Variants in DLG2 observed in about 807,000 individuals in gnomAD.
The protein encoded by DLG2 is discs large MAGUK scaffold protein 2.
A neutral mutation model predicts 132.5 loss-of-function variants in DLG2; 45 were observed. That is an observed-to-expected ratio of 0.34 (90% CI 0.27 to 0.44). The LOEUF is 0.44. Among genes scored for constraint, DLG2 ranks in the 20% least tolerant of loss-of-function variants. The pLI is 1.00. For missense variants in DLG2, 1,045 were observed against 1,196.9 expected (o/e 0.87, Z 1.87); for synonymous variants, 424 against 419.6 (o/e 1.01, Z -0.13).
chr11:84,099,140 G>T, intron 9 of DLG2, 93 bp from the exon 10 acceptor site: 1 of 1,167,324 alleles, frequency 8.6e-7, no homozygotes. Context: ...CTACTCAAAT[G>T]GAAATCAGGT....
chr11:84,972,417 G>A (rs1260657025), intron 6 of DLG2, among the ~76,000 whole-genome samples: 2 of 152,188 alleles, frequency 1.3e-5, no homozygotes, highest in African/African-American at 2.4e-5. Flanking sequence ...CAGTTTTGAA[G>A]GGAGCTGGTT....
At chr11:84,055,186 C>A (rs1945814) in intron 11 of DLG2, among the ~76,000 whole-genome samples, 98,239 of 151,706 alleles carry the variant, frequency 0.65, 34,105 homozygotes, top group Non-Finnish European at 0.79. Flanking sequence ...CCCTACCTCA[C>A]AAATGGCACC....
intron 6 of DLG2, among the ~76,000 whole-genome samples, chr11:84,905,135 G>A (rs6592213): frequency 2.0e-5 from 3 of 151,860 alleles, no homozygotes; most frequent in Admixed American, 6.6e-5. Context: ...CTCTCCCATC[G>A]CAGCCTCCCA....
chr11:84,080,873 T>A (rs2096891807), intron 10 of DLG2, among the ~76,000 whole-genome samples: 1 of 151,490 alleles, frequency 6.6e-6, no homozygotes, highest in Non-Finnish European at 1.5e-5. Context: ...ACACCTGTAA[T>A]CCCAGCTTCT....
chr11:85,218,473 A>G (rs2082765952), intron 4 of DLG2, among the ~76,000 whole-genome samples: 1 of 152,228 alleles, frequency 6.6e-6, no homozygotes, highest in South Asian at 2.1e-4. Flanking sequence ...AATGCTCATT[A>G]TCACCAATCA....
At chr11:84,175,060 GA>G (rs2095921082) in intron 8 of DLG2, among the ~76,000 whole-genome samples, 1 of 152,116 alleles carries the variant, frequency 6.6e-6, no homozygotes, top group African/African-American at 2.4e-5. Context: ...CTTACTGATG[GA>G]AAGTATGTGC....
intron 6 of DLG2, among the ~76,000 whole-genome samples, chr11:84,642,610 A>C (rs1458913631): frequency 1.3e-5 from 2 of 152,156 alleles, no homozygotes; most frequent in Non-Finnish European, 2.9e-5. Context: ...ATAGGAATTA[A>C]GTAAGATAGA....
chr11:84,417,542 A>G (rs1331006443), intron 7 of DLG2, among the ~76,000 whole-genome samples: 1 of 152,088 alleles, frequency 6.6e-6, no homozygotes, highest in Admixed American at 6.6e-5. Context: ...CTTCCAGGTC[A>G]GTTTGAAAAT....
chr11:84,983,837 T>C (rs974667979), intron 6 of DLG2, among the ~76,000 whole-genome samples: 15 of 152,130 alleles, frequency 9.9e-5, no homozygotes, highest in African/African-American at 3.4e-4. Flanking sequence ...GATGCATTTA[T>C]AGAAATGCAA....
intron 6 of DLG2, among the ~76,000 whole-genome samples, chr11:84,591,223 C>CTGTGTGTGTGTGCGTG (rs1555073594): frequency 7.2e-6 from 1 of 139,222 alleles, no homozygotes; most frequent in East Asian, 2.1e-4. Flanking sequence ...ATGTGTCTCT[C>CTGTGTGTGTGTGCGTG]TGTGTGTGTG....
At chr11:85,217,821 T>C (rs890123110) in intron 4 of DLG2, among the ~76,000 whole-genome samples, 1 of 152,244 alleles carries the variant, frequency 6.6e-6, no homozygotes, top group Non-Finnish European at 1.5e-5. Flanking sequence ...GTTGCTTTTG[T>C]GGACTTTGTC....
At chr11:83,607,346 A>G (rs1234494167) in intron 19 of DLG2, among the ~76,000 whole-genome samples, 1 of 152,174 alleles carries the variant, frequency 6.6e-6, no homozygotes, top group Non-Finnish European at 1.5e-5. Context: ...ACATGTTTAA[A>G]TCTCATACTC....
chr11:84,137,573 C>T (rs749078934), intron 9 of DLG2, among the ~76,000 whole-genome samples: 42 of 152,128 alleles, frequency 2.8e-4, no homozygotes, highest in African/African-American at 8.4e-4. Flanking sequence ...TTATTATCAA[C>T]AGATGTTTTA....
chr11:85,044,291 C>G (rs2062119209), intron 6 of DLG2, among the ~76,000 whole-genome samples: 1 of 151,964 alleles, frequency 6.6e-6, no homozygotes, highest in Non-Finnish European at 1.5e-5. Flanking sequence ...TTTGTCTCCT[C>G]CACTATACTA....
At chr11:85,606,645 G>T (rs1043865650) in intron 2 of DLG2, among the ~76,000 whole-genome samples, 2 of 152,148 alleles carry the variant, frequency 1.3e-5, no homozygotes, top group South Asian at 4.1e-4. Context: ...CACTGTGGAA[G>T]CTTTGTTCTT....
intron 6 of DLG2, among the ~76,000 whole-genome samples, chr11:84,961,197 G>A (rs1225224427): frequency 1.3e-5 from 2 of 151,474 alleles, no homozygotes; most frequent in African/African-American, 2.4e-5. Flanking sequence ...ATCTACACAA[G>A]CTCAGAATTT....
rs551575999 is a variant in DLG2 at position 84,233,820 on chromosome 11, T to C, written c.573+17418A>G. 4.9e-4 allele frequency among the ~76,000 whole-genome samples: 75 copies of C among 152,306 alleles called. No individual in the cohort carries two copies. The South Asian group carries it at 0.013, about 27-fold the overall frequency. ...ATTAAACTTCCACTCTCAATCTCAC[T>C]TTTTGTGCGTCTGCATCCTTGTCAT... is the stretch of plus-strand genomic sequence containing the variant. On this transcript the variant is annotated intron_variant, in intron 8 of 27. Transcript: ENST00000376104.
rs71959561 is a variant in DLG2 at position 83,553,483 on chromosome 11, C to CGTGTGTGTGTGTGTGTGT, written c.1941-11643_1941-11626dup. On this transcript the variant is annotated intron_variant, in intron 19 of 27. Transcript: ENST00000376104. ...CTGGCACAAAGTAAGAAGTAAGCAC[C>CGTGTGTGTGTGTGTGTGT]GTGTGTGTGTGTGTGTGTGTGTGTG... 1.3e-3 allele frequency among the ~76,000 whole-genome samples: 180 copies of CGTGTGTGTGTGTGTGTGT among 143,862 alleles called. 2 individuals carry two copies. The highest frequency in any genetic ancestry group is 3.7e-3 in the African/African-American group (140 of 37,816). The allele number at this position is 143,862 out of a possible 152,430, so 94.4% of individuals were successfully genotyped here.
chr11:84,773,227 C>A (rs1403947116), intron 6 of DLG2, among the ~76,000 whole-genome samples: 1 of 151,982 alleles, frequency 6.6e-6, no homozygotes, highest in African/African-American at 2.4e-5. Context: ...AAGAGTGAAC[C>A]AGGAATAAAA....
Sources: allele counts gnomAD v4.1 joint callset (sites outside exome capture counted in the v4.1 genomes callset), GRCh38; gene constraint gnomAD v4.1.1; transcripts MANE v1.5; gene names NCBI Gene and HGNC (gene_info 2026-07-23, HGNC 2026-07-21).